RSU1: variants seen among roughly 807,000 people sequenced by gnomAD.
The protein encoded by RSU1 is rsu-1.
Under a neutral mutation model 31.1 loss-of-function variants are expected in RSU1, and 26 were observed. That is an observed-to-expected ratio of 0.84 (90% CI 0.61 to 1.16). The LOEUF (loss-of-function observed/expected upper bound fraction) is 1.16. Ranked by LOEUF, RSU1 falls within the 50% of genes most tolerant of loss-of-function variation. The pLI is 0.00. For missense variants in RSU1, 320 were observed against 339.1 expected, an observed-to-expected ratio of 0.94 and a Z score of 0.44; for synonymous variants, 164 against 136.3, an observed-to-expected ratio of 1.20 and a Z score of -1.41.
At chr10:16,602,702 T>A (rs1202861759) in intron 8 of RSU1, among the ~76,000 whole-genome samples, 1 of 152,206 alleles carries the variant, frequency 6.6e-6, no homozygotes, top group South Asian at 2.1e-4. Flanking sequence ...TACTGTTGTT[T>A]TGGGTGTTTC....
intron 3 of RSU1, among the ~76,000 whole-genome samples, chr10:16,777,464 T>C (rs1241195090): frequency 6.6e-6 from 1 of 152,204 alleles, no homozygotes; most frequent in Non-Finnish European, 1.5e-5. Context: ...TATAAGGATT[T>C]ACCTTAAATG....
chr10:16,700,383 T>C (rs192537140), intron 7 of RSU1, among the ~76,000 whole-genome samples: 158 of 152,286 alleles, frequency 1.0e-3, no homozygotes, highest in African/African-American at 3.6e-3. Flanking sequence ...ATCATTACTA[T>C]ACTAGATTTC....
chr10:16,753,331 C>A (rs1454474315), intron 5 of RSU1, among the ~76,000 whole-genome samples: 1 of 152,182 alleles, frequency 6.6e-6, no homozygotes. Flanking sequence ...TTTATTTCTC[C>A]ATTTGCATCC....
intron 8 of RSU1, among the ~76,000 whole-genome samples, chr10:16,619,861 C>T (rs865954127): frequency 3.3e-5 from 5 of 152,168 alleles, no homozygotes; most frequent in South Asian, 2.1e-4. Context: ...GCAGAAGTAT[C>T]CCACTTAAAC....
rs758086217 is a variant in RSU1 at position 16,752,551 on chromosome 10, GC to G, written c.585del (p.Pro197GlnfsTer3). 3 of 1,612,920 alleles carry G rather than the reference GC, an allele frequency of 1.9e-6. No individual in the cohort carries two copies. The highest frequency in any genetic ancestry group is 2.2e-5 in the South Asian group (2 of 91,050). On this transcript the variant is annotated frameshift_variant, in exon 7 of 9. Coordinates refer to ENST00000345264, the MANE Select transcript of RSU1 (RefSeq NM_012425.4). LOFTEE classifies it high-confidence loss of function. ...LHIQGNRLTV[L>X]PPELGNLDLT... ...TCAGCAACCTTACCTAGTTCTGGGG[GC>G]AGAACGGTGAGGCGGTTCCCCTGAA...
intron 8 of RSU1, among the ~76,000 whole-genome samples, chr10:16,662,382 C>T (rs1369934483): frequency 1.3e-5 from 2 of 151,772 alleles, no homozygotes; most frequent in Non-Finnish European, 1.5e-5. Flanking sequence ...ACATGTGTTT[C>T]TTTGAGATAC....
At chr10:16,609,841 T>C (rs1389051171) in intron 8 of RSU1, among the ~76,000 whole-genome samples, 2 of 152,232 alleles carry the variant, frequency 1.3e-5, no homozygotes, top group Non-Finnish European at 2.9e-5. Context: ...TCATAAGCTG[T>C]TTCTAAAATC....
At chr10:16,646,533 C>T (rs878905914) in intron 8 of RSU1, among the ~76,000 whole-genome samples, 2 of 152,192 alleles carry the variant, frequency 1.3e-5, no homozygotes, top group African/African-American at 2.4e-5. Context: ...CCATTGGTCC[C>T]CGCACACACT....
intron 8 of RSU1, among the ~76,000 whole-genome samples, chr10:16,683,563 T>C (rs1425406437): frequency 6.6e-6 from 1 of 152,164 alleles, no homozygotes; most frequent in Admixed American, 6.5e-5. Context: ...CATTGAAGTT[T>C]TAGTTATTTT....
intron 7 of RSU1, among the ~76,000 whole-genome samples, chr10:16,745,371 G>A (rs4748320): frequency 0.21 from 31,704 of 151,970 alleles, 3,688 homozygotes; most frequent in African/African-American, 0.31. Flanking sequence ...GTAAAATAAC[G>A]TTATCTGTTC....
chr10:16,646,376 G>A (rs1356396817), intron 8 of RSU1, among the ~76,000 whole-genome samples: 1 of 152,048 alleles, frequency 6.6e-6, no homozygotes, highest in Admixed American at 6.6e-5. Flanking sequence ...GTCAGGAGCC[G>A]TGGTTTATTC....
intron 8 of RSU1, among the ~76,000 whole-genome samples, chr10:16,640,305 G>A (rs1177464146): frequency 6.6e-6 from 1 of 151,848 alleles, no homozygotes; most frequent in Non-Finnish European, 1.5e-5. Context: ...TCATCACTTA[G>A]GTGCTGCCAA....
At chr10:16,736,189 T>C (rs1410580126) in intron 7 of RSU1, among the ~76,000 whole-genome samples, 1 of 152,046 alleles carries the variant, frequency 6.6e-6, no homozygotes, top group Non-Finnish European at 1.5e-5. Flanking sequence ...TGCCAAATAT[T>C]AACTACAATG....
At chr10:16,809,430 T>C (rs1838353227) in intron 2 of RSU1, among the ~76,000 whole-genome samples, 1 of 152,164 alleles carries the variant, frequency 6.6e-6, no homozygotes, top group Non-Finnish European at 1.5e-5. Context: ...GGAAGAACTG[T>C]AGAGGCAGCA....
intron 8 of RSU1, among the ~76,000 whole-genome samples, chr10:16,633,517 T>C (rs957484302): frequency 2.6e-5 from 4 of 152,100 alleles, no homozygotes; most frequent in African/African-American, 9.7e-5. Context: ...CTTCTTATCA[T>C]GGAAGAAAGG....
At chr10:16,693,477 CAAAA>C (rs773915130) in intron 8 of RSU1, among the ~76,000 whole-genome samples, 2 of 131,372 alleles carry the variant, frequency 1.5e-5, no homozygotes, top group African/African-American at 2.8e-5. Flanking sequence ...TTTCTGATAC[CAAAA>C]AAAAAAAAAA....
chr10:16,758,776 G>C (rs558845637), intron 4 of RSU1, among the ~76,000 whole-genome samples: 1 of 152,320 alleles, frequency 6.6e-6, no homozygotes, highest in Admixed American at 6.5e-5. Context: ...AAGCGAGCAA[G>C]CTCACCTCAT....
At chr10:16,806,283 C>G (rs925115266) in intron 2 of RSU1, among the ~76,000 whole-genome samples, 2 of 152,192 alleles carry the variant, frequency 1.3e-5, no homozygotes, top group Non-Finnish European at 2.9e-5. Context: ...TGGCCACAGG[C>G]ACTCAGCATG....
At chr10:16,694,096 G>A (rs1835624321) in intron 8 of RSU1, among the ~76,000 whole-genome samples, 1 of 152,114 alleles carries the variant, frequency 6.6e-6, no homozygotes, top group Non-Finnish European at 1.5e-5. Context: ...GAAGCACGTG[G>A]AAGTGGCAGA....
Sources: gnomAD v4.1 joint callset for allele counts (sites outside exome capture counted in the v4.1 genomes callset) on GRCh38, gnomAD v4.1.1 for gene constraint, MANE v1.5 for transcripts, NCBI Gene and HGNC (gene_info 2026-07-23, HGNC 2026-07-21) for gene names.